Variants in CSMD1 observed in about 807,000 individuals in gnomAD.
CSMD1 encodes the protein CUB and Sushi multiple domains 1.
Under a neutral mutation model 417.5 loss-of-function variants are expected in CSMD1, and 213 were observed. That is an observed-to-expected ratio of 0.51 (90% confidence interval 0.46 to 0.57). CSMD1 has a LOEUF of 0.57. CSMD1 is among the 20% of genes least tolerant of loss of function. The probability of loss-of-function intolerance (pLI) is 0.00; values close to 1 mark genes in which losing one functional copy is unlikely to be tolerated. For missense variants in CSMD1, 6,923 were observed against 4,529.7 expected, an observed-to-expected ratio of 1.53 and a Z score of -15.17; for synonymous variants, 2,862 against 1,736.8, an observed-to-expected ratio of 1.65 and a Z score of -16.11.
intron 25 of CSMD1, among the ~76,000 whole-genome samples, chr8:3,289,915 G>T (rs1386032322): frequency 6.8e-6 from 1 of 147,524 alleles, no homozygotes; most frequent in African/African-American, 2.7e-5. Flanking sequence ...CCTGTGTCCT[G>T]AATGGTATTG....
intron 3 of CSMD1, among the ~76,000 whole-genome samples, chr8:4,169,208 C>G (rs1395883607): frequency 2.0e-5 from 3 of 152,116 alleles, no homozygotes; most frequent in Non-Finnish European, 4.4e-5. Context: ...GTCACCAACA[C>G]ATGTCTGAGC....
chr8:3,875,935 A>G (rs1188210329), intron 5 of CSMD1, among the ~76,000 whole-genome samples: 2 of 152,182 alleles, frequency 1.3e-5, no homozygotes, highest in Non-Finnish European at 2.9e-5. Flanking sequence ...GATCAATGGG[A>G]AGCTCGGAGG....
chr8:3,819,306 C>A (rs898578213), intron 5 of CSMD1, among the ~76,000 whole-genome samples: 1 of 152,078 alleles, frequency 6.6e-6, no homozygotes, highest in African/African-American at 2.4e-5. Flanking sequence ...TCACAGGAAG[C>A]TATGAAGAGA....
intron 7 of CSMD1, among the ~76,000 whole-genome samples, chr8:3,621,213 C>A (rs547131012): frequency 1.3e-5 from 2 of 152,142 alleles, no homozygotes; most frequent in African/African-American, 4.8e-5. Flanking sequence ...CGGCGAGTAG[C>A]GTAGCACTTT....
rs143432282 is a variant in CSMD1, at chr8:3,979,204, A to G, written c.818+18699T>C. 1.4e-3 allele frequency among the ~76,000 whole-genome samples: 220 copies of G among 152,322 alleles called. 1 individual carries two copies. The highest frequency in any genetic ancestry group is 5.1e-3 in the African/African-American group (212 of 41,580). On this transcript the variant is annotated intron_variant, in intron 5 of 69. Coordinates refer to ENST00000635120, the MANE Select transcript of CSMD1 (RefSeq NM_033225.6). Reference sequence around the variant, plus strand: ...CACACTAACAGACAGGGACAGCCAAATCTCAATAATGTATAGGAAGTTTTA... The same window carrying G: ...CACACTAACAGACAGGGACAGCCAAGTCTCAATAATGTATAGGAAGTTTTA...
At chr8:4,257,741 T>C (rs998819823) in intron 3 of CSMD1, among the ~76,000 whole-genome samples, 1 of 152,172 alleles carries the variant, frequency 6.6e-6, no homozygotes, top group Non-Finnish European at 1.5e-5. Context: ...GCTTCCGCTT[T>C]CCCGTTTGTT....
At chr8:3,603,102 T>C (rs1391770890) in intron 8 of CSMD1, among the ~76,000 whole-genome samples, 5 of 152,218 alleles carry the variant, frequency 3.3e-5, no homozygotes, top group African/African-American at 1.2e-4. Context: ...GTGTCATTTT[T>C]CAAAGGGACA....
At chr8:3,369,061 G>A (rs983735259) in intron 19 of CSMD1, among the ~76,000 whole-genome samples, 193 bp downstream of exon 19, 6 of 152,160 alleles carry the variant, frequency 3.9e-5, no homozygotes, top group Admixed American at 3.3e-4. Flanking sequence ...GCAAAACGGG[G>A]AATGGTTTTT....
chr8:4,209,847 G>A (rs553105506), intron 3 of CSMD1, among the ~76,000 whole-genome samples: 4 of 152,192 alleles, frequency 2.6e-5, no homozygotes, highest in African/African-American at 9.7e-5. Flanking sequence ...AAAATAAGGA[G>A]CGGTTAATGC....
At chr8:4,686,582 G>C (rs1230680229) in intron 1 of CSMD1, among the ~76,000 whole-genome samples, 1 of 152,204 alleles carries the variant, frequency 6.6e-6, no homozygotes, top group African/African-American at 2.4e-5. Flanking sequence ...TAGATCACAA[G>C]TCCTTCGTCC....
chr8:3,761,121 C>G (rs1797972869), intron 5 of CSMD1, among the ~76,000 whole-genome samples: 1 of 152,090 alleles, frequency 6.6e-6, no homozygotes, highest in South Asian at 2.1e-4. Flanking sequence ...TAAGTGAAAT[C>G]ATTTCTCTCA....
At chr8:4,195,475 C>T (rs1366069796) in intron 3 of CSMD1, among the ~76,000 whole-genome samples, 2 of 152,156 alleles carry the variant, frequency 1.3e-5, no homozygotes, top group Non-Finnish European at 2.9e-5. Context: ...ATGTGCTCCT[C>T]GTGAGTCTCA....
intron 3 of CSMD1, among the ~76,000 whole-genome samples, chr8:4,061,294 T>G (rs1798960273): frequency 1.3e-5 from 2 of 152,164 alleles, no homozygotes; most frequent in Admixed American, 6.5e-5. Context: ...GAGGTACATC[T>G]TATCATACAA....
chr8:4,687,134 G>A (rs1806441697), intron 1 of CSMD1, among the ~76,000 whole-genome samples: 4 of 152,212 alleles, frequency 2.6e-5, no homozygotes, highest in Non-Finnish European at 5.9e-5. Flanking sequence ...CACAGACCAT[G>A]GGCCAGGGAA....
At chr8:3,498,039 C>G (rs753918265) in intron 10 of CSMD1, among the ~76,000 whole-genome samples, 4 of 152,184 alleles carry the variant, frequency 2.6e-5, no homozygotes, top group Admixed American at 1.3e-4. Context: ...TTTATTCTTA[C>G]AACTCTAATG....
chr8:3,017,961 T>C (rs149666223), intron 52 of CSMD1, among the ~76,000 whole-genome samples: 2 of 152,254 alleles, frequency 1.3e-5, no homozygotes, highest in African/African-American at 4.8e-5. Flanking sequence ...TCAAGATTTT[T>C]CATACACTTA....
intron 3 of CSMD1, among the ~76,000 whole-genome samples, chr8:4,286,189 C>CT (rs751424620): frequency 1.6e-4 from 25 of 152,102 alleles, no homozygotes; most frequent in Non-Finnish European, 3.1e-4. Context: ...CTCCAGTTTT[C>CT]TTTTCTCCCG....
chr8:4,536,728 T>G (rs1797120905), intron 2 of CSMD1, among the ~76,000 whole-genome samples: 1 of 152,234 alleles, frequency 6.6e-6, no homozygotes, highest in Non-Finnish European at 1.5e-5. Context: ...ATGCCACTTT[T>G]ACTTTCAACA....
intron 3 of CSMD1, among the ~76,000 whole-genome samples, chr8:4,064,792 C>G (rs894902690): frequency 1.3e-5 from 2 of 152,156 alleles, no homozygotes; most frequent in African/African-American, 4.8e-5. Context: ...AACAGCCTTC[C>G]TGTACTCCCG....
Sources: allele counts gnomAD v4.1 joint callset (sites outside exome capture counted in the v4.1 genomes callset), GRCh38; gene constraint gnomAD v4.1.1; transcripts MANE v1.5; gene names NCBI Gene and HGNC (gene_info 2026-07-23, HGNC 2026-07-21).